Variants in TCF12 observed in about 807,000 individuals in gnomAD.
TCF12 encodes transcription factor 12.
A neutral mutation model predicts 86.0 loss-of-function variants in TCF12; 45 were observed. That is an observed-to-expected ratio of 0.52 (90% CI 0.41 to 0.67). The LOEUF is 0.67. Among genes scored for constraint, TCF12 ranks in the 30% least tolerant of loss-of-function variants. The pLI, the probability that TCF12 is intolerant of heterozygous loss-of-function variation, is 0.00. For missense variants in TCF12, 881 were observed against 859.9 expected, an observed-to-expected ratio of 1.02 and a Z score of -0.31; for synonymous variants, 330 against 299.6, an observed-to-expected ratio of 1.10 and a Z score of -1.05.
chr15:56,938,107 C>A (rs1390668369), intron 3 of TCF12, among the ~76,000 whole-genome samples: 2 of 94,738 alleles, frequency 2.1e-5, no homozygotes, highest in Non-Finnish European at 4.1e-5. Context: ...CATCTATGTT[C>A]ATCAGTGGTA....
At chr15:56,958,676 A>AGTGT (rs1324930525) in intron 3 of TCF12, among the ~76,000 whole-genome samples, 4,572 of 92,210 alleles carry the variant, frequency 0.05, 84 homozygotes, top group African/African-American at 0.066. Flanking sequence ...AGAGAGAGAG[A>AGTGT]GAGTGTGTGT....
intron 5 of TCF12, among the ~76,000 whole-genome samples, chr15:57,150,954 C>A (rs565022566): frequency 3.4e-4 from 48 of 140,572 alleles, no homozygotes; most frequent in Admixed American, 1.5e-3. Flanking sequence ...TTCCCCTCCC[C>A]TTTTCCTTTT....
intron 3 of TCF12, among the ~76,000 whole-genome samples, chr15:56,951,535 T>A (rs1417709596): frequency 1.3e-5 from 2 of 152,198 alleles, no homozygotes; most frequent in African/African-American, 4.8e-5. Flanking sequence ...GGAGCAGAAG[T>A]TTCTAATTTT....
intron 3 of TCF12, among the ~76,000 whole-genome samples, chr15:57,045,113 G>C (rs535325624): frequency 6.6e-6 from 1 of 152,276 alleles, no homozygotes; most frequent in South Asian, 2.1e-4. Flanking sequence ...ACAGTGCAGG[G>C]AGACCGTTTT....
chr15:57,225,246 T>TTTTTG (rs1566943525), intron 8 of TCF12, among the ~76,000 whole-genome samples: 20 of 135,216 alleles, frequency 1.5e-4, no homozygotes, highest in African/African-American at 5.6e-4. Flanking sequence ...TTTTTTTTTT[T>TTTTTG]TTTTTAAGAC....
At chr15:57,081,395 G>T (rs1401275377) in intron 4 of TCF12, among the ~76,000 whole-genome samples, 1 of 152,104 alleles carries the variant, frequency 6.6e-6, no homozygotes, top group African/African-American at 2.4e-5. Context: ...TAAATTTTCT[G>T]TGCCTCTTGC....
rs535382548 is a variant in TCF12, at chr15:56,932,954, C to G, written c.148+11856C>G. ...TCAAGACATTAAATATAAATAGCTA[C>G]AACCTCAGATAGCTTTATAAAAGTG... is the stretch of plus-strand genomic sequence containing the variant. On this transcript the variant is annotated intron_variant, in intron 3 of 20. Coordinates refer to ENST00000333725, the MANE Select transcript of TCF12 (RefSeq NM_207037.2). Among the ~76,000 whole-genome samples, 4 of 152,312 alleles carry G rather than the reference C, an allele frequency of 2.6e-5. No homozygotes were observed. The South Asian group carries it at 8.3e-4, about 32-fold the overall frequency.
chr15:57,024,672 A>C (rs1180186915), intron 3 of TCF12, among the ~76,000 whole-genome samples: 1 of 152,242 alleles, frequency 6.6e-6, no homozygotes, highest in Non-Finnish European at 1.5e-5. Flanking sequence ...CTGCAAAGAA[A>C]ATACCCAGAA....
intron 3 of TCF12, among the ~76,000 whole-genome samples, chr15:57,056,326 G>A (rs183627567): frequency 6.6e-6 from 1 of 152,016 alleles, no homozygotes; most frequent in South Asian, 2.1e-4. Flanking sequence ...ATTTTCAGTC[G>A]AGATGGGGTG....
At chr15:56,933,657 T>G (rs2060343597) in intron 3 of TCF12, among the ~76,000 whole-genome samples, 1 of 152,126 alleles carries the variant, frequency 6.6e-6, no homozygotes, top group Non-Finnish European at 1.5e-5. Flanking sequence ...ATGAGCAGAT[T>G]AAAAGTTTTT....
intron 3 of TCF12, among the ~76,000 whole-genome samples, chr15:56,944,827 TTG>T (rs2060926267): frequency 6.6e-6 from 1 of 152,160 alleles, no homozygotes; most frequent in Non-Finnish European, 1.5e-5. Flanking sequence ...GTATAAGTGT[TTG>T]GAGGAAGGGG....
chr15:57,106,667 C>G (rs2050152673), intron 5 of TCF12, among the ~76,000 whole-genome samples: 1 of 152,150 alleles, frequency 6.6e-6, no homozygotes, highest in Non-Finnish European at 1.5e-5. Flanking sequence ...TTGGAAAAGA[C>G]ATGTCTCATA....
intron 3 of TCF12, among the ~76,000 whole-genome samples, chr15:56,978,590 A>G (rs1366055897): frequency 2.0e-5 from 3 of 152,204 alleles, no homozygotes; most frequent in Admixed American, 6.5e-5. Flanking sequence ...CCAGGAGAGA[A>G]TATTTTTATT....
intron 3 of TCF12, among the ~76,000 whole-genome samples, chr15:56,991,797 T>C (rs955835639): frequency 7.4e-4 from 112 of 152,260 alleles, no homozygotes; most frequent in Middle Eastern, 3.4e-3. Context: ...AGTGCCCTTT[T>C]TTTTATTTAG....
chr15:57,109,282 A>C (rs2050331594), intron 5 of TCF12: 2 of 152,102 alleles, frequency 1.3e-5, no homozygotes, highest in South Asian at 4.2e-4. Flanking sequence ...TCTGCTGGGG[A>C]ACGCTAAAAG....
chr15:56,969,412 G>GA (rs1201309201), intron 3 of TCF12, among the ~76,000 whole-genome samples: 1 of 152,058 alleles, frequency 6.6e-6, no homozygotes, highest in Non-Finnish European at 1.5e-5. Context: ...TACAGAAAGA[G>GA]AATAGAGCTG....
At chr15:56,947,050 G>A (rs213165) in intron 3 of TCF12, among the ~76,000 whole-genome samples, 10,951 of 152,016 alleles carry the variant, frequency 0.072, 563 homozygotes, top group Non-Finnish European at 0.11. Flanking sequence ...TGCCTTCCTC[G>A]GCTTCGCAAA....
At chr15:56,960,118 A>G (rs2061678136) in intron 3 of TCF12, among the ~76,000 whole-genome samples, 1 of 152,198 alleles carries the variant, frequency 6.6e-6, no homozygotes, top group African/African-American at 2.4e-5. Context: ...TCAAATAAGT[A>G]ATTTATTTGT....
At chr15:57,223,645 T>TTTTTTTTTTTG (rs2058714629) in intron 8 of TCF12, among the ~76,000 whole-genome samples, 5 of 55,282 alleles carry the variant, frequency 9.0e-5, no homozygotes, top group South Asian at 6.9e-4. Context: ...CCAATGAGGT[T>TTTTTTTTTTTG]TTTTTTTTTT....
Sources: gnomAD v4.1 joint callset for allele counts (sites outside exome capture counted in the v4.1 genomes callset) on GRCh38, gnomAD v4.1.1 for gene constraint, MANE v1.5 for transcripts, NCBI Gene and HGNC (gene_info 2026-07-23, HGNC 2026-07-21) for gene names.